Variants in ZNF362 observed in about 807,000 individuals in gnomAD.
ZNF362 encodes rotund homolog.
Under a neutral mutation model 42.9 loss-of-function variants are expected in ZNF362, and 11 were observed. The ratio of observed to expected loss-of-function variants is 0.26; its 90% CI spans 0.16 to 0.42. The LOEUF (loss-of-function observed/expected upper bound fraction) is 0.42, where lower values mean the gene tolerates loss of function less well. Among genes scored for constraint, ZNF362 ranks in the 20% least tolerant of loss-of-function variants. The pLI, the probability that ZNF362 is intolerant of heterozygous loss-of-function variation, is 1.00. For synonymous variants in ZNF362, 255 were observed against 257.3 expected, an observed-to-expected ratio of 0.99 and a Z score of 0.09; for missense variants, 362 against 576.2, an observed-to-expected ratio of 0.63 and a Z score of 3.81.
chr1:33,215,550 G>C, the ZNF362 span, among the ~76,000 whole-genome samples: 3 of 152,012 alleles, frequency 2.0e-5, no homozygotes, highest in African/African-American at 7.3e-5. Context: ...ATAAATGCTC[G>C]AGGCAATGGA....
At chr1:33,292,101 T>C (rs878998701) in intron 6 of ZNF362, among the ~76,000 whole-genome samples, 1 of 152,218 alleles carries the variant, frequency 6.6e-6, no homozygotes, top group South Asian at 2.1e-4. Flanking sequence ...CTTCCAACAC[T>C]ATGTTGAATA....
the ZNF362 span, among the ~76,000 whole-genome samples, chr1:33,175,360 T>C: frequency 2.6e-5 from 4 of 152,056 alleles, no homozygotes; most frequent in Non-Finnish European, 1.5e-5. Context: ...ATTAAAGGAA[T>C]CCCTGAATCC....
chr1:33,153,625 C>T, the ZNF362 span, among the ~76,000 whole-genome samples: 1 of 152,160 alleles, frequency 6.6e-6, no homozygotes, highest in Non-Finnish European at 1.5e-5. Context: ...GGGGTGATGG[C>T]AAGTTCCACA....
the ZNF362 span, chr1:33,147,594 C>G: frequency 6.2e-7 from 1 of 1,614,164 alleles, no homozygotes; most frequent in Non-Finnish European, 8.5e-7. This position sits in a 1 kb window ranked among gnomAD's most constrained non-coding sequence, Gnocchi z 8.1. Context: ...GCACCGACAC[C>G]TCCACATCGA....
upstream of ZNF362, among the ~76,000 whole-genome samples, chr1:33,254,979 C>T (rs554215944): frequency 1.3e-5 from 2 of 152,328 alleles, no homozygotes; most frequent in African/African-American, 4.8e-5. Flanking sequence ...CCTCGCTCAC[C>T]CCAGAGCCAA....
intron 6 of ZNF362, among the ~76,000 whole-genome samples, chr1:33,289,169 C>T (rs6670358): frequency 1.3e-5 from 2 of 151,950 alleles, no homozygotes; most frequent in African/African-American, 4.8e-5. Context: ...ACAGCCCTCC[C>T]CAGTCAGAGG....
chr1:33,151,266 C>T, the ZNF362 span, among the ~76,000 whole-genome samples: 21 of 152,064 alleles, frequency 1.4e-4, no homozygotes, highest in Non-Finnish European at 2.2e-4. Flanking sequence ...AGGATGGGTA[C>T]AGGGCCTGCC....
chr1:33,205,606 G>A, the ZNF362 span, among the ~76,000 whole-genome samples: 1 of 151,986 alleles, frequency 6.6e-6, no homozygotes, highest in Non-Finnish European at 1.5e-5. Flanking sequence ...AGATATTTTG[G>A]TATTGGTATC....
chr1:33,203,952 G>A, the ZNF362 span, among the ~76,000 whole-genome samples: 3 of 152,024 alleles, frequency 2.0e-5, no homozygotes, highest in East Asian at 5.8e-4. Context: ...TGTTTCCCCT[G>A]CTGTGAAGAA....
At chr1:33,208,035 T>G in the ZNF362 span, among the ~76,000 whole-genome samples, 150,728 of 152,320 alleles carry the variant, frequency 0.99, 74,598 homozygotes, top group Middle Eastern at 1. Context: ...CCTATGTCTT[T>G]AATGGTATTG....
chr1:33,295,092 G>A (rs932346069), intron 7 of ZNF362, 55 bp from the exon 8 acceptor site: 1 of 1,613,408 alleles, frequency 6.2e-7, no homozygotes, highest in Non-Finnish European at 8.5e-7. Context: ...GCGTAGGAAG[G>A]GGGTGGGGTG....
the ZNF362 span, among the ~76,000 whole-genome samples, chr1:33,218,691 A>AT: frequency 6.6e-6 from 1 of 151,414 alleles, no homozygotes; most frequent in Non-Finnish European, 1.5e-5. Context: ...TCCTTTGTCT[A>AT]TTTTTTTCTG....
the ZNF362 span, among the ~76,000 whole-genome samples, chr1:33,247,752 G>A: frequency 6.6e-6 from 1 of 152,218 alleles, no homozygotes; most frequent in African/African-American, 2.4e-5. Context: ...AGCACGGGAG[G>A]ATTGTCAGCC....
chr1:33,183,854 G>A, the ZNF362 span, among the ~76,000 whole-genome samples: 1 of 152,144 alleles, frequency 6.6e-6, no homozygotes, highest in African/African-American at 2.4e-5. Context: ...CTTTTATTCT[G>A]ATGCAGAGTC....
intron 8 of ZNF362, among the ~76,000 whole-genome samples, chr1:33,295,681 T>C (rs554168756): frequency 1.5e-4 from 23 of 152,128 alleles, no homozygotes; most frequent in Non-Finnish European, 3.4e-4. Context: ...CGCAGTGACA[T>C]GGCCCATAGC....
intron 1 of ZNF362, 31 bp downstream of exon 1, chr1:33,256,685 G>C (rs1462417842): frequency 6.9e-6 from 1 of 145,386 alleles, no homozygotes; most frequent in Non-Finnish European, 1.5e-5. Flanking sequence ...CGCGGGGAGC[G>C]GGCCCAGCGG....
the ZNF362 span, among the ~76,000 whole-genome samples, chr1:33,213,346 A>G: frequency 0.7 from 106,814 of 151,898 alleles, 38,105 homozygotes; most frequent in Non-Finnish European, 0.76. Context: ...ATACATATAT[A>G]CATAACAACC....
the ZNF362 span, among the ~76,000 whole-genome samples, chr1:33,149,148 T>C: frequency 6.6e-6 from 1 of 152,178 alleles, no homozygotes; most frequent in Non-Finnish European, 1.5e-5. Context: ...CTTTTGCCTC[T>C]TCTTTTTCTT....
the ZNF362 span, among the ~76,000 whole-genome samples, chr1:33,235,539 T>G: frequency 6.6e-6 from 1 of 152,330 alleles, no homozygotes; most frequent in South Asian, 2.1e-4. Context: ...TCAGGGATAC[T>G]TGCTAAAGCA....
Sources: gnomAD v4.1 joint callset for allele counts (sites outside exome capture counted in the v4.1 genomes callset) on GRCh38, gnomAD v4.1.1 for gene constraint, Gnocchi (gnomAD v3.1) non-coding constraint, MANE v1.5 for transcripts, NCBI Gene and HGNC (gene_info 2026-07-23, HGNC 2026-07-21) for gene names.